Variants in PRKN observed in about 807,000 individuals in gnomAD.
PRKN encodes the protein E3 ubiquitin-protein ligase parkin.
In PRKN, 56 loss-of-function variants were observed where a neutral mutation model predicts 59.5. That is an observed-to-expected ratio of 0.94 (90% CI 0.76 to 1.18). The LOEUF is 1.18. Ranked by LOEUF, PRKN falls within the 50% of genes most tolerant of loss-of-function variation. The pLI, the probability that PRKN is intolerant of heterozygous loss-of-function variation, is 0.00. For synonymous variants in PRKN, 250 were observed against 222.1 expected (o/e 1.13, Z -1.12); for missense variants, 657 against 596.4 (o/e 1.10, Z -1.06).
chr6:162,657,707 A>T (rs1778698064), intron 1 of PRKN, among the ~76,000 whole-genome samples: 1 of 152,186 alleles, frequency 6.6e-6, no homozygotes, highest in Non-Finnish European at 1.5e-5. Context: ...TCCACACTGA[A>T]AATTAGTGGA....
At chr6:162,382,394 T>C (rs145888645) in intron 2 of PRKN, among the ~76,000 whole-genome samples, 3 of 152,302 alleles carry the variant, frequency 2.0e-5, no homozygotes, top group African/African-American at 7.2e-5. Flanking sequence ...GTAAAGTGAA[T>C]ATAGCAATAC....
chr6:161,484,602 T>A lies in PRKN; in HGVS notation c.1083+64252A>T, dbSNP rs1791566846. ...AAGCAAGCTGTGGGTACGGACGGCATCAGAACTAAACGCAGGGAGTCTGAC... is the reference window on the plus strand; with the variant it reads ...AAGCAAGCTGTGGGTACGGACGGCAACAGAACTAAACGCAGGGAGTCTGAC... On this transcript the variant is annotated intron_variant, in intron 9 of 11. Transcript: ENST00000366898. This position sits in a 1 kb window ranked among gnomAD's most constrained non-coding sequence, Gnocchi z 4.9. Among the ~76,000 whole-genome samples, 1 of 152,062 alleles carries A rather than the reference T, an allele frequency of 6.6e-6. No individual in the cohort carries two copies. The highest frequency in any genetic ancestry group is 2.4e-5 in the African/African-American group (1 of 41,400).
intron 6 of PRKN, among the ~76,000 whole-genome samples, chr6:161,960,981 G>A (rs1780355747): frequency 1.3e-5 from 2 of 152,174 alleles, no homozygotes; most frequent in Non-Finnish European, 2.9e-5. Flanking sequence ...CCCAGTGGCT[G>A]TGGCACTGTA....
Position 161,525,252 on chromosome 6 carries a change from A to G in PRKN, c.1083+23602T>C, listed in dbSNP as rs938220331. 1.3e-5 allele frequency among the ~76,000 whole-genome samples: 2 copies of G among 152,072 alleles called. No individual in the cohort carries two copies. The highest frequency in any genetic ancestry group is 4.8e-5 in the African/African-American group (2 of 41,406). On this transcript the variant is annotated intron_variant, in intron 9 of 11. Coordinates refer to ENST00000366898, the MANE Select transcript of PRKN (RefSeq NM_004562.3). This position sits in a 1 kb window ranked among gnomAD's most constrained non-coding sequence, Gnocchi z 4.7. ...TATAAAACAGGACAACAAATCTTAC[A>G]CTAAAAATTTGCTCTGTAGAGTTGC...
At chr6:162,714,877 T>C (rs902800467) in intron 1 of PRKN, among the ~76,000 whole-genome samples, 1 of 152,066 alleles carries the variant, frequency 6.6e-6, no homozygotes, top group African/African-American at 2.4e-5. Flanking sequence ...CTCTACTTCT[T>C]CCAAAATTCA....
At chr6:162,104,906 A>G (rs1780126478) in intron 4 of PRKN, among the ~76,000 whole-genome samples, 1 of 152,242 alleles carries the variant, frequency 6.6e-6, no homozygotes, top group Non-Finnish European at 1.5e-5. Flanking sequence ...AATTTTAAAA[A>G]TAAGGATATT....
chr6:162,437,917 C>T (rs565320206), intron 2 of PRKN, among the ~76,000 whole-genome samples: 10 of 152,280 alleles, frequency 6.6e-5, no homozygotes, highest in African/African-American at 1.2e-4. Context: ...TGTGTACCTA[C>T]GTCTTCATTT....
intron 1 of PRKN, among the ~76,000 whole-genome samples, chr6:162,647,577 T>C (rs1778234518): frequency 6.6e-6 from 1 of 152,200 alleles, no homozygotes; most frequent in South Asian, 2.1e-4. Flanking sequence ...GAATTATTAA[T>C]AATATATAGA....
intron 2 of PRKN, among the ~76,000 whole-genome samples, chr6:162,421,027 T>A (rs1313393887): frequency 6.6e-6 from 1 of 152,142 alleles, no homozygotes; most frequent in South Asian, 2.1e-4. Context: ...AACTCACACA[T>A]CCTCCCTGTG....
intron 8 of PRKN, among the ~76,000 whole-genome samples, chr6:161,564,345 G>A (rs539036028): frequency 2.8e-4 from 42 of 152,140 alleles, no homozygotes; most frequent in Non-Finnish European, 6.0e-4. Context: ...TCTCCAGGCT[G>A]AGCCCCAAGC....
chr6:162,021,168 A>AT (rs1462472152), intron 5 of PRKN, among the ~76,000 whole-genome samples: 23,939 of 80,838 alleles, frequency 0.3, 5,263 homozygotes, highest in Non-Finnish European at 0.36. Context: ...ATATATATAA[A>AT]ATATATGTGT....
rs549168851 is a variant in PRKN at position 162,377,595 on chromosome 6, A to G, written c.171+65715T>C. On this transcript the variant is annotated intron_variant, in intron 2 of 11. Coordinates refer to ENST00000366898, the MANE Select transcript of PRKN (RefSeq NM_004562.3). The stretch of plus-strand genomic sequence containing the variant: ...CTGGATGGAGTTCTTAGACCAACAC[A>G]CGCCACAGGCCCATGGCCAGCCTAC... 3.9e-5 allele frequency among the ~76,000 whole-genome samples: 6 copies of G among 152,280 alleles called. No individual in the cohort carries two copies. In the East Asian group the frequency reaches 1.2e-3, roughly 29 times the overall value.
At chr6:162,218,911 C>T (rs567910766) in intron 3 of PRKN, among the ~76,000 whole-genome samples, 2 of 152,276 alleles carry the variant, frequency 1.3e-5, no homozygotes, top group South Asian at 2.1e-4. Context: ...TGGTGGCTCA[C>T]ACCTGTGATC....
At chr6:162,576,810 C>CAAAAAAAAAA (rs573857313) in intron 1 of PRKN, among the ~76,000 whole-genome samples, 1 of 92,384 alleles carries the variant, frequency 1.1e-5, no homozygotes, top group Non-Finnish European at 2.0e-5. Flanking sequence ...GAGACTCCGT[C>CAAAAAAAAAA]AAAAAAAAAA....
chr6:161,651,141 TTAAGACA>T (rs1784136112), intron 7 of PRKN, among the ~76,000 whole-genome samples: 1 of 152,216 alleles, frequency 6.6e-6, no homozygotes, highest in Non-Finnish European at 1.5e-5. Context: ...TTAGCTTCAA[TTAAGACA>T]TATACATCTA....
At chr6:161,670,450 C>G (rs1784867207) in intron 7 of PRKN, among the ~76,000 whole-genome samples, 1 of 152,218 alleles carries the variant, frequency 6.6e-6, no homozygotes, top group African/African-American at 2.4e-5. Flanking sequence ...GTGGACTCAT[C>G]ATTCCGATCT....
chr6:162,612,209 A>G (rs1379117760), intron 1 of PRKN, among the ~76,000 whole-genome samples: 1 of 150,534 alleles, frequency 6.6e-6, no homozygotes, highest in Non-Finnish European at 1.5e-5. Flanking sequence ...AAAAAAAAAA[A>G]AAAAAGAAAT....
chr6:162,632,707 G>A (rs964133687), intron 1 of PRKN, among the ~76,000 whole-genome samples: 51 of 151,870 alleles, frequency 3.4e-4, no homozygotes, highest in Admixed American at 9.8e-4. Context: ...TTGTGTAACT[G>A]TAATAAGAAA....
At chr6:162,671,762 TTAAA>T (rs1172384455) in intron 1 of PRKN, among the ~76,000 whole-genome samples, 3 of 151,202 alleles carry the variant, frequency 2.0e-5, no homozygotes, top group Admixed American at 1.3e-4. Flanking sequence ...TATAAAACTA[TTAAA>T]TAAAATAAAA....
Sources: allele counts gnomAD v4.1 joint callset (sites outside exome capture counted in the v4.1 genomes callset), GRCh38; gene constraint gnomAD v4.1.1; non-coding constraint Gnocchi (gnomAD v3.1); transcripts MANE v1.5; gene names NCBI Gene and HGNC (gene_info 2026-07-23, HGNC 2026-07-21).